The following SORCS2 variants were observed in gnomAD, a reference collection of about 807,000 sequenced individuals.
SORCS2 encodes the protein sortilin related VPS10 domain containing receptor 2.
In SORCS2, 100 loss-of-function variants were observed where a neutral mutation model predicts 141.6. That is an observed-to-expected ratio of 0.71 (90% CI 0.60 to 0.83). The LOEUF (loss-of-function observed/expected upper bound fraction) is 0.83. Ranked by LOEUF, SORCS2 falls within the 40% of genes least tolerant of loss-of-function variation. The probability of loss-of-function intolerance (pLI) is 0.00; values close to 1 mark genes in which losing one functional copy is unlikely to be tolerated. For missense variants in SORCS2, 1,646 were observed against 1,560.2 expected (o/e 1.05, Z -0.93); for synonymous variants, 789 against 676.9 (o/e 1.17, Z -2.57).
At chr4:7,267,882 C>T (rs1317949056) in intron 1 of SORCS2, among the ~76,000 whole-genome samples, 1 of 152,220 alleles carries the variant, frequency 6.6e-6, no homozygotes, top group African/African-American at 2.4e-5. Flanking sequence ...GTCAGTCAAC[C>T]CGTCAGTGAG....
At chr4:7,722,376 T>C (rs1471773753) in intron 18 of SORCS2, among the ~76,000 whole-genome samples, 2 of 152,230 alleles carry the variant, frequency 1.3e-5, no homozygotes, top group African/African-American at 4.8e-5. Context: ...AGCCTCAGTC[T>C]TCTAACCTGT....
chr4:7,465,830 G>T (rs897059961), intron 2 of SORCS2, among the ~76,000 whole-genome samples: 3 of 152,178 alleles, frequency 2.0e-5, no homozygotes, highest in Non-Finnish European at 2.9e-5. Flanking sequence ...GTTTTTTAGT[G>T]GGGGGCTAAG....
At chr4:7,675,521 C>G (rs577147427) in intron 8 of SORCS2, among the ~76,000 whole-genome samples, 1 of 152,336 alleles carries the variant, frequency 6.6e-6, no homozygotes, top group South Asian at 2.1e-4. Flanking sequence ...AGGGCCACAC[C>G]TGGCTCCCCA....
At chr4:7,449,389 C>G (rs567736846) in intron 2 of SORCS2, among the ~76,000 whole-genome samples, 1 of 112,620 alleles carries the variant, frequency 8.9e-6, no homozygotes, top group Non-Finnish European at 1.8e-5. Context: ...CTCCCTCCCT[C>G]CCAGCACCTT....
rs946471556 is a variant in SORCS2 at position 7,648,305 on chromosome 4, G to A, written c.814-5829G>A. 1.3e-5 allele frequency among the ~76,000 whole-genome samples: 2 copies of A among 152,134 alleles called. No homozygotes were observed. The highest frequency in any genetic ancestry group is 3.9e-4 in the East Asian group (2 of 5,176). ...GTTGGGGGTGGTGCAGGGAGGAAGT[G>A]ACCGTGGAGAGGGTGTCAAGGAGTC... On this transcript the variant is annotated intron_variant, in intron 4 of 26. Coordinates refer to ENST00000507866, the MANE Select transcript of SORCS2 (RefSeq NM_020777.3). This position sits in a 1 kb window ranked among gnomAD's most constrained non-coding sequence, Gnocchi z 4.2.
At chr4:7,685,527 C>T (rs1026085639) in intron 10 of SORCS2, among the ~76,000 whole-genome samples, 21 of 152,122 alleles carry the variant, frequency 1.4e-4, no homozygotes, top group African/African-American at 5.1e-4. Context: ...AAAAATTAGC[C>T]AGGCATGGTG....
intron 25 of SORCS2, chr4:7,735,536 C>G (rs1712096240): frequency 6.6e-6 from 1 of 151,156 alleles, no homozygotes; most frequent in Non-Finnish European, 1.5e-5. Flanking sequence ...GCACTCAGAG[C>G]TGAACTGGAG....
intron 2 of SORCS2, among the ~76,000 whole-genome samples, chr4:7,516,497 G>A (rs893614514): frequency 1.3e-5 from 2 of 152,110 alleles, no homozygotes; most frequent in Non-Finnish European, 2.9e-5. Flanking sequence ...AACAGAGAAC[G>A]CCGGGTGTTT....
intron 2 of SORCS2, among the ~76,000 whole-genome samples, chr4:7,492,231 C>T (rs1731359705): frequency 6.6e-6 from 1 of 152,246 alleles, no homozygotes; most frequent in Non-Finnish European, 1.5e-5. Flanking sequence ...CTCCCGAGTC[C>T]TCCCTGCCTC....
At chr4:7,254,760 C>G (rs1035263286) in intron 1 of SORCS2, among the ~76,000 whole-genome samples, 3 of 152,120 alleles carry the variant, frequency 2.0e-5, no homozygotes, top group African/African-American at 7.2e-5. Flanking sequence ...GGTGACTGGG[C>G]CTGCTTGGAC....
intron 3 of SORCS2, among the ~76,000 whole-genome samples, chr4:7,632,714 C>G (rs1029474245): frequency 6.6e-6 from 1 of 152,150 alleles, no homozygotes; most frequent in Non-Finnish European, 1.5e-5. Flanking sequence ...GTGAATAACA[C>G]CAATGCCCAT....
chr4:7,206,617 G>A (rs1180088038), intron 1 of SORCS2, among the ~76,000 whole-genome samples: 1 of 152,154 alleles, frequency 6.6e-6, no homozygotes, highest in Non-Finnish European at 1.5e-5. Flanking sequence ...TCTTGCCTGA[G>A]AGGAGTCCTG....
intron 11 of SORCS2, among the ~76,000 whole-genome samples, chr4:7,689,967 T>C (rs28456382): frequency 0.05 from 7,663 of 152,056 alleles, 641 homozygotes; most frequent in African/African-American, 0.17. Context: ...GGATGGATGA[T>C]GGATGGATGA....
At chr4:7,310,362 C>T (rs1282915962) in intron 1 of SORCS2, 1 of 154,274 alleles carries the variant, frequency 6.5e-6, no homozygotes, top group Non-Finnish European at 1.5e-5. Flanking sequence ...CCAGCAGGGC[C>T]AGAGGTGTGT....
intron 1 of SORCS2, among the ~76,000 whole-genome samples, chr4:7,264,136 A>T (rs1714558145): frequency 1.3e-5 from 2 of 152,210 alleles, no homozygotes; most frequent in African/African-American, 4.8e-5. Context: ...GAAGCAGTGG[A>T]GACTGCGGGA....
chr4:7,430,691 T>A (rs1470006677), intron 2 of SORCS2: 1 of 152,254 alleles, frequency 6.6e-6, no homozygotes, highest in Non-Finnish European at 1.5e-5. Context: ...ACATCTGTCT[T>A]GATTTCCCAT....
chr4:7,631,143 G>A (rs536716005), intron 3 of SORCS2, among the ~76,000 whole-genome samples: 1 of 151,320 alleles, frequency 6.6e-6, no homozygotes, highest in Non-Finnish European at 1.5e-5. Flanking sequence ...ACCTTTTGGA[G>A]GAGATGGGTT....
chr4:7,570,386 T>C (rs186427848), intron 3 of SORCS2, among the ~76,000 whole-genome samples: 12 of 152,342 alleles, frequency 7.9e-5, no homozygotes, highest in Admixed American at 7.8e-4. Flanking sequence ...CCACTCCCGC[T>C]GCCAGAGGCT....
In SORCS2 at chr4:7,551,944, C is replaced by T. The variant is rs115878577; in HGVS notation, c.648+20315C>T. Among the ~76,000 whole-genome samples, 1,048 of 152,280 alleles carry T rather than the reference C, an allele frequency of 6.9e-3. 10 individuals carry two copies. Among genetic ancestry groups the T allele is most frequent in the African/African-American group, 0.022 (909 of 41,552 alleles). ...TACATGGGTAATTGTGTGTCGTAATCGGCAGCGTTGCCTGCTCTGCAAATC... is the reference window on the plus strand; with the variant it reads ...TACATGGGTAATTGTGTGTCGTAATTGGCAGCGTTGCCTGCTCTGCAAATC... On this transcript the variant is annotated intron_variant, in intron 3 of 26. Transcript: ENST00000507866.
Sources: allele counts gnomAD v4.1 joint callset (sites outside exome capture counted in the v4.1 genomes callset), GRCh38; gene constraint gnomAD v4.1.1; non-coding constraint Gnocchi (gnomAD v3.1); transcripts MANE v1.5; gene names NCBI Gene and HGNC (gene_info 2026-07-23, HGNC 2026-07-21).